The following ALPK1 variants were observed in gnomAD, a reference collection of about 807,000 sequenced individuals.
ALPK1 encodes the protein alpha-protein kinase 1.
Under a neutral mutation model 120.6 loss-of-function variants are expected in ALPK1, and 110 were observed. The ratio of observed to expected loss-of-function variants is 0.91; its 90% CI spans 0.78 to 1.07. The LOEUF is 1.07. Ranked by LOEUF, ALPK1 falls within the 50% of genes least tolerant of loss-of-function variation. ALPK1 has a pLI of 0.00. For missense variants in ALPK1, 1,498 were observed against 1,483.9 expected (o/e 1.01, Z -0.16); for synonymous variants, 582 against 560.3 (o/e 1.04, Z -0.55).
Position 112,432,207 on chromosome 4 carries a change from C to A in ALPK1, c.2660C>A (p.Thr887Asn), listed in dbSNP as rs1394251620. The change falls in exon 11 of 16, where the codon ACC becomes AAC. Residue 887 changes from threonine (T) to asparagine (N), a missense_variant. By Grantham distance (65) the Thr-to-Asn change is moderately conservative. Transcript: ENST00000650871. ...LRQPPGQRAE[T>N]PNSSVSGNIL... ...CAGCCGCCTGGTCAGAGGGCGGAGA[C>A]CCCCAATTCCTCTGTAAGCGGTAAC... is the stretch of plus-strand genomic sequence containing the variant. The A allele has an allele frequency of 6.2e-7, 1 of 1,614,076 alleles. No individual in the cohort carries two copies. Among genetic ancestry groups the A allele is most frequent in the Non-Finnish European group, 8.5e-7 (1 of 1,180,030 alleles).
chr4:112,396,941 AT>A (rs531787888), intron 4 of ALPK1, among the ~76,000 whole-genome samples: 2 of 151,774 alleles, frequency 1.3e-5, no homozygotes, highest in Non-Finnish European at 1.5e-5. Context: ...CCACACCCAG[AT>A]TTTTTTTGTA....
chr4:112,435,204 A>G lies in ALPK1; in HGVS notation c.3091A>G (p.Ile1031Val). The change falls in exon 12 of 16, where the codon ATT becomes GTT. Residue 1031 changes from isoleucine (I) to valine (V), a missense_variant. By Grantham distance (29) the Ile-to-Val change is conservative (BLOSUM62 3). Transcript: ENST00000650871. Reference sequence around the variant, plus strand: ...TGAACTGTGGACGGCCCAGGAAACTATTGTCTATTTGGGGGACTACTTGAC... The same window carrying G: ...TGAACTGTGGACGGCCCAGGAAACTGTTGTCTATTTGGGGGACTACTTGAC... ...KSELWTAQET[I>V]VYLGDYLTVK... 2 of 1,613,502 alleles carry G rather than the reference A, an allele frequency of 1.2e-6. No individual in the cohort carries two copies. The highest frequency in any genetic ancestry group is 1.7e-6 in the Non-Finnish European group (2 of 1,179,814).
At chr4:112,402,614 G>A (rs572778865) in intron 4 of ALPK1, among the ~76,000 whole-genome samples, 252 of 152,262 alleles carry the variant, frequency 1.7e-3, no homozygotes, top group African/African-American at 5.7e-3. Context: ...AAACAACTGC[G>A]TGTGTGTCTA....
At chr4:112,382,661 C>T in intron 4 of ALPK1, 109 bp downstream of exon 4, 1 of 1,462,362 alleles carries the variant, frequency 6.8e-7, no homozygotes, top group Non-Finnish European at 9.5e-7. Context: ...GCCCCCTACC[C>T]TTATGCTCAG....
intron 5 of ALPK1, chr4:112,412,398 C>T (rs1255666738): frequency 4.3e-6 from 2 of 467,146 alleles, no homozygotes; most frequent in African/African-American, 2.0e-5. Context: ...TCTCTTCGCT[C>T]TCCTGTCTCC....
intron 2 of ALPK1, among the ~76,000 whole-genome samples, chr4:112,328,986 A>G (rs1729237841): frequency 6.6e-6 from 1 of 152,206 alleles, no homozygotes; most frequent in African/African-American, 2.4e-5. Context: ...TCCGTCATTT[A>G]TCACAAGGCT....
intron 1 of ALPK1, among the ~76,000 whole-genome samples, chr4:112,311,744 A>G (rs929649229): frequency 6.6e-6 from 1 of 152,234 alleles, no homozygotes; most frequent in Non-Finnish European, 1.5e-5. Context: ...CCAAGATAGC[A>G]GAGATTTTTT....
intron 4 of ALPK1, among the ~76,000 whole-genome samples, chr4:112,385,845 C>T (rs541626184): frequency 1.5e-3 from 235 of 152,198 alleles, no homozygotes; most frequent in African/African-American, 5.4e-3. Context: ...CTGAGTTTGT[C>T]TTTTCATGTT....
chr4:112,353,894 A>AATAG (rs1730480108), intron 2 of ALPK1, among the ~76,000 whole-genome samples: 1 of 152,012 alleles, frequency 6.6e-6, no homozygotes, highest in Admixed American at 6.6e-5. Flanking sequence ...TAAATAAATA[A>AATAG]ATAAATAAGT....
intron 4 of ALPK1, among the ~76,000 whole-genome samples, chr4:112,390,057 G>T (rs1732335663): frequency 6.6e-6 from 1 of 152,124 alleles, no homozygotes; most frequent in Admixed American, 6.5e-5. Context: ...TCTTCTCCAT[G>T]CACAGAGGTG....
chr4:112,398,227 T>C (rs1276274046), intron 4 of ALPK1, among the ~76,000 whole-genome samples: 1 of 152,070 alleles, frequency 6.6e-6, no homozygotes, highest in Non-Finnish European at 1.5e-5. Context: ...AGTAAATAGG[T>C]CAATGAAGTA....
At chr4:112,305,052 A>G (rs1167491102) in intron 1 of ALPK1, among the ~76,000 whole-genome samples, 3 of 152,052 alleles carry the variant, frequency 2.0e-5, no homozygotes, top group Non-Finnish European at 2.9e-5. Flanking sequence ...CAAAGATCAG[A>G]TGGTTGTAGA....
chr4:112,308,562 C>T (rs567532322), intron 1 of ALPK1, among the ~76,000 whole-genome samples: 1 of 152,222 alleles, frequency 6.6e-6, no homozygotes, highest in Non-Finnish European at 1.5e-5. Flanking sequence ...CTTGTGCATT[C>T]ATCACATATT....
At chr4:112,411,206 A>G (rs1733438188) in intron 4 of ALPK1, among the ~76,000 whole-genome samples, 1 of 152,162 alleles carries the variant, frequency 6.6e-6, no homozygotes, top group Non-Finnish European at 1.5e-5. Flanking sequence ...GGGCGCTTTT[A>G]CTTTTTACCC....
At chr4:112,422,147 A>C (rs1173908490) in intron 5 of ALPK1, among the ~76,000 whole-genome samples, 1 of 152,212 alleles carries the variant, frequency 6.6e-6, no homozygotes, top group Non-Finnish European at 1.5e-5. Context: ...CCCAGGCAGG[A>C]TGAGATTTCA....
chr4:112,330,539 C>A (rs1729322258), intron 2 of ALPK1, among the ~76,000 whole-genome samples: 1 of 152,212 alleles, frequency 6.6e-6, no homozygotes, highest in Non-Finnish European at 1.5e-5. Flanking sequence ...GAGTTATAAT[C>A]TACTAAATCT....
chr4:112,330,220 G>A (rs1214342847), intron 2 of ALPK1, among the ~76,000 whole-genome samples: 2 of 152,202 alleles, frequency 1.3e-5, no homozygotes, highest in African/African-American at 4.8e-5. Context: ...AGTTAGTAAA[G>A]GGGTGTGTAT....
chr4:112,314,415 G>A (rs764689916), intron 1 of ALPK1, among the ~76,000 whole-genome samples: 9 of 152,168 alleles, frequency 5.9e-5, no homozygotes, highest in African/African-American at 1.4e-4. Context: ...AGTGAATAGC[G>A]AGAGAGATTC....
At chr4:112,403,441 G>T (rs1733016919) in intron 4 of ALPK1, among the ~76,000 whole-genome samples, 1 of 152,182 alleles carries the variant, frequency 6.6e-6, no homozygotes, top group African/African-American at 2.4e-5. Context: ...TGAAAAGAAA[G>T]AAAAGATTCT....
Sources: gnomAD v4.1 joint callset for allele counts (sites outside exome capture counted in the v4.1 genomes callset) on GRCh38, gnomAD v4.1.1 for gene constraint, MANE v1.5 for transcripts, NCBI Gene and HGNC (gene_info 2026-07-23, HGNC 2026-07-21) for gene names.